The following EIF2AK3 variants were observed in gnomAD, a reference collection of about 807,000 sequenced individuals.
EIF2AK3 encodes the protein eukaryotic translation initiation factor 2-alpha kinase 3.
EIF2AK3 carries 50 observed loss-of-function variants against 113.5 expected under a neutral mutation model. That is an observed-to-expected ratio of 0.44 (90% CI 0.35 to 0.56). The LOEUF (loss-of-function observed/expected upper bound fraction) is 0.56. Ranked by LOEUF, EIF2AK3 falls within the 20% of genes least tolerant of loss-of-function variation. The probability of loss-of-function intolerance (pLI) is 0.00; values close to 1 mark genes in which losing one functional copy is unlikely to be tolerated. For missense variants in EIF2AK3, 1,185 were observed against 1,378.0 expected, an observed-to-expected ratio of 0.86 and a Z score of 2.22; for synonymous variants, 448 against 495.4, an observed-to-expected ratio of 0.90 and a Z score of 1.27.
chr2:88,587,541 T>C (rs1674767876), intron 8 of EIF2AK3, among the ~76,000 whole-genome samples: 1 of 152,232 alleles, frequency 6.6e-6, no homozygotes, highest in Non-Finnish European at 1.5e-5. Flanking sequence ...CATTTTCATG[T>C]AGTTTTATGA....
At chr2:88,586,208 C>A (rs906523665) in intron 8 of EIF2AK3, 147 bp from the exon 9 acceptor site, 28 of 663,708 alleles carry the variant, frequency 4.2e-5, no homozygotes, top group Non-Finnish European at 2.3e-5. Context: ...TTTTAAACAT[C>A]TTAATTTGTC....
Position 88,579,053 on chromosome 2 carries a change from G to T in EIF2AK3, c.1886+465C>A, listed in dbSNP as rs541785066. 2.4e-4 allele frequency among the ~76,000 whole-genome samples: 37 copies of T among 152,110 alleles called. 1 individual carries two copies. The South Asian group carries it at 7.7e-3, about 32-fold the overall frequency. Reference sequence around the variant, plus strand: ...AAATATAGAGGATATGATGAAGAAAGCAACAGACAAAACTGTACAGTACTG... The same window carrying T: ...AAATATAGAGGATATGATGAAGAAATCAACAGACAAAACTGTACAGTACTG... On this transcript the variant is annotated intron_variant, in intron 11 of 16. Coordinates refer to ENST00000303236, the MANE Select transcript of EIF2AK3 (RefSeq NM_004836.7).
At chr2:88,563,518 A>C (rs976351845) in intron 14 of EIF2AK3, among the ~76,000 whole-genome samples, 2 of 152,236 alleles carry the variant, frequency 1.3e-5, no homozygotes, top group African/African-American at 4.8e-5. Context: ...TATTTGGAGA[A>C]TATAAATAAA....
At chr2:88,581,452 C>A (rs1674598855) in intron 10 of EIF2AK3, among the ~76,000 whole-genome samples, 1 of 152,150 alleles carries the variant, frequency 6.6e-6, no homozygotes, top group Non-Finnish European at 1.5e-5. Flanking sequence ...CCTCCTAGAT[C>A]ATCACAAACA....
At chr2:88,585,798 G>A (rs1674708027) in intron 9 of EIF2AK3, 43 bp downstream of exon 9, 1 of 1,584,828 alleles carries the variant, frequency 6.3e-7, no homozygotes, top group African/African-American at 1.3e-5. Flanking sequence ...CAAATAGGAG[G>A]TGGGGAAGTG....
intron 1 of EIF2AK3, among the ~76,000 whole-genome samples, chr2:88,625,532 C>T (rs1294996024): frequency 3.9e-5 from 6 of 152,156 alleles, no homozygotes; most frequent in Non-Finnish European, 5.9e-5. Flanking sequence ...TTGGGACATC[C>T]CTGACACTGG....
intron 2 of EIF2AK3, among the ~76,000 whole-genome samples, chr2:88,610,974 C>A (rs1452426678): frequency 2.0e-5 from 3 of 152,062 alleles, no homozygotes; most frequent in East Asian, 1.9e-4. Context: ...ATTGCTTGAG[C>A]CCAGGATTCA....
intron 4 of EIF2AK3, among the ~76,000 whole-genome samples, chr2:88,592,239 G>C (rs911373878): frequency 1.3e-5 from 2 of 151,782 alleles, no homozygotes; most frequent in East Asian, 1.9e-4. Context: ...TTACATAAGG[G>C]GTTCATTATT....
chr2:88,576,133 TA>T (rs1674451314), intron 12 of EIF2AK3, among the ~76,000 whole-genome samples: 1 of 152,178 alleles, frequency 6.6e-6, no homozygotes, highest in African/African-American at 2.4e-5. Flanking sequence ...CAAACATTTT[TA>T]AAAAATGGAG....
chr2:88,561,039 C>T (rs998120179), intron 15 of EIF2AK3, among the ~76,000 whole-genome samples: 4 of 151,986 alleles, frequency 2.6e-5, no homozygotes, highest in South Asian at 2.1e-4. Context: ...CTTGCTGTGT[C>T]GCCCAGGCTG....
intron 2 of EIF2AK3, among the ~76,000 whole-genome samples, chr2:88,606,648 A>G (rs1321437783): frequency 6.6e-6 from 1 of 152,258 alleles, no homozygotes; most frequent in Non-Finnish European, 1.5e-5. Flanking sequence ...GCTTTAAAAG[A>G]GATTACAGAT....
chr2:88,570,263 G>C (rs955079436), intron 14 of EIF2AK3, among the ~76,000 whole-genome samples: 2 of 152,142 alleles, frequency 1.3e-5, no homozygotes, highest in Non-Finnish European at 2.9e-5. Flanking sequence ...CAAAACGTCC[G>C]AGACCCGCTG....
intron 9 of EIF2AK3, among the ~76,000 whole-genome samples, chr2:88,585,016 T>A (rs1187414831): frequency 6.6e-6 from 1 of 152,116 alleles, no homozygotes; most frequent in Admixed American, 6.6e-5. Context: ...TAGAGGTTTT[T>A]AAGCCCAGAA....
At chr2:88,586,190 T>G (rs1674727745) in intron 8 of EIF2AK3, 129 bp from the exon 9 acceptor site, 1 of 712,274 alleles carries the variant, frequency 1.4e-6, no homozygotes. Flanking sequence ...TCTCTCTTCT[T>G]TAACGTATTT....
chr2:88,572,429 C>T (rs531080537), intron 13 of EIF2AK3, among the ~76,000 whole-genome samples: 16 of 152,316 alleles, frequency 1.1e-4, no homozygotes, highest in East Asian at 1.9e-4. Flanking sequence ...AAGTTGCTTA[C>T]GCCAATCCAT....
chr2:88,561,612 T>C (rs1434282774), intron 15 of EIF2AK3, among the ~76,000 whole-genome samples: 3 of 152,176 alleles, frequency 2.0e-5, no homozygotes, highest in South Asian at 2.1e-4. Context: ...CCCAGCACTT[T>C]GGGAGGCCAA....
At chr2:88,573,124 T>C (rs1008966696) in intron 13 of EIF2AK3, among the ~76,000 whole-genome samples, 2 of 151,870 alleles carry the variant, frequency 1.3e-5, no homozygotes, top group African/African-American at 2.4e-5. Context: ...TTTTTTTTTT[T>C]TGGTTGGGGG....
At position 88,590,558 on chromosome 2, in the gene EIF2AK3, G is replaced by T; in HGVS notation, c.1050C>A (p.Val350=). ...TATCATCAAAAAGACTGATGGGAAT[G>T]ACTTTCCCATCCTTAAGTAACCAGG... ...ASAWLLKDGK[V]IPISLFDDTS... is the part of the protein sequence containing the mutation. Residue 350 remains valine (V), a synonymous_variant, in exon 6 of 17, where the codon GTC becomes GTA. Transcript: ENST00000303236. 2 of 1,613,368 alleles carry T rather than the reference G, an allele frequency of 1.2e-6. No homozygotes were observed. Among genetic ancestry groups the T allele is most frequent in the South Asian group, 2.2e-5 (2 of 91,030 alleles).
chr2:88,558,721 C>G (rs1673853953), intron 16 of EIF2AK3, among the ~76,000 whole-genome samples, 196 bp downstream of exon 16: 1 of 152,188 alleles, frequency 6.6e-6, no homozygotes, highest in African/African-American at 2.4e-5. Flanking sequence ...GAACACTGGA[C>G]ATTAGGCTGA....
Sources: gnomAD v4.1 joint callset for allele counts (sites outside exome capture counted in the v4.1 genomes callset) on GRCh38, gnomAD v4.1.1 for gene constraint, MANE v1.5 for transcripts, NCBI Gene and HGNC (gene_info 2026-07-23, HGNC 2026-07-21) for gene names.